LDB2: variants seen among roughly 807,000 people sequenced by gnomAD.
LDB2 encodes LIM domain binding 2.
A neutral mutation model predicts 44.3 loss-of-function variants in LDB2; 12 were observed. That is an observed-to-expected ratio of 0.27 (90% CI 0.17 to 0.44). The LOEUF is 0.44. Among genes scored for constraint, LDB2 ranks in the 20% least tolerant of loss-of-function variants. The pLI, the probability that LDB2 is intolerant of heterozygous loss-of-function variation, is 1.00. For synonymous variants in LDB2, 164 were observed against 174.8 expected, an observed-to-expected ratio of 0.94 and a Z score of 0.49; for missense variants, 344 against 473.5, an observed-to-expected ratio of 0.73 and a Z score of 2.54.
At chr4:16,574,434 C>T (rs547639581) in intron 5 of LDB2, among the ~76,000 whole-genome samples, 1 of 152,292 alleles carries the variant, frequency 6.6e-6, no homozygotes, top group African/African-American at 2.4e-5. Context: ...TCAGTCACTC[C>T]TTCTCTTCTT....
chr4:16,652,351 C>T (rs1332909147), intron 2 of LDB2, among the ~76,000 whole-genome samples: 1 of 152,104 alleles, frequency 6.6e-6, no homozygotes, highest in Admixed American at 6.5e-5. Context: ...AAATACAATC[C>T]ACTCTTCAGA....
At chr4:16,556,291 C>T (rs1252377245) in intron 5 of LDB2, among the ~76,000 whole-genome samples, 1 of 152,192 alleles carries the variant, frequency 6.6e-6, no homozygotes, top group Non-Finnish European at 1.5e-5. Flanking sequence ...AGTCTGGCAT[C>T]CAGTAGGCAT....
At position 16,582,486 on chromosome 4, in the gene LDB2, C is replaced by G. The variant is rs574990115; in HGVS notation, c.615+3436G>C. On this transcript the variant is annotated intron_variant, in intron 5 of 7. Transcript: ENST00000304523. This position sits in a 1 kb window ranked among gnomAD's most constrained non-coding sequence, Gnocchi z 4.8. Reference sequence around the variant, plus strand: ...GAGTTCCTGGCTTGCTTCTCCCATTCTAGTGCTCAAGTTCCAGCACCAGAG... The same window carrying G: ...GAGTTCCTGGCTTGCTTCTCCCATTGTAGTGCTCAAGTTCCAGCACCAGAG... 6.6e-6 allele frequency among the ~76,000 whole-genome samples: 1 copy of G among 152,330 alleles called. No individual in the cohort carries two copies. The highest frequency in any genetic ancestry group is 6.5e-5 in the Admixed American group (1 of 15,310).
chr4:16,705,012 C>G (rs1188579986), intron 2 of LDB2, among the ~76,000 whole-genome samples: 1 of 152,152 alleles, frequency 6.6e-6, no homozygotes, highest in East Asian at 1.9e-4. Context: ...GAAATTTCAC[C>G]TGCCTTCACT....
chr4:16,747,687 C>T (rs1279278527), intron 2 of LDB2, among the ~76,000 whole-genome samples: 1 of 151,908 alleles, frequency 6.6e-6, no homozygotes, highest in Non-Finnish European at 1.5e-5. Flanking sequence ...TTTTTCAAAG[C>T]TTGAATTAAT....
intron 2 of LDB2, among the ~76,000 whole-genome samples, chr4:16,650,923 T>C (rs984546013): frequency 6.6e-6 from 1 of 152,246 alleles, no homozygotes; most frequent in Non-Finnish European, 1.5e-5. Flanking sequence ...AAAACCCTTC[T>C]AGAATCTTGA....
intron 7 of LDB2, 32 bp from the exon 8 acceptor site, chr4:16,502,905 A>G: frequency 6.2e-7 from 1 of 1,611,500 alleles, no homozygotes; most frequent in Non-Finnish European, 8.5e-7. Context: ...ATTACAGGGA[A>G]ACCTTGGGAG....
At chr4:16,729,272 A>T (rs1760211134) in intron 2 of LDB2, among the ~76,000 whole-genome samples, 1 of 152,192 alleles carries the variant, frequency 6.6e-6, no homozygotes, top group South Asian at 2.1e-4. Flanking sequence ...TTGTCATTTT[A>T]AAAAAGCCTT....
chr4:16,575,306 T>C (rs1450496453), intron 5 of LDB2, among the ~76,000 whole-genome samples: 4 of 152,198 alleles, frequency 2.6e-5, no homozygotes, highest in Admixed American at 6.5e-5. Context: ...AAATATCTTT[T>C]GGCTGAGATA....
intron 2 of LDB2, among the ~76,000 whole-genome samples, chr4:16,709,319 A>G (rs1196577792): frequency 6.6e-6 from 1 of 152,330 alleles, no homozygotes; most frequent in East Asian, 1.9e-4. Context: ...GTTCAAAACT[A>G]TTGTGAGTCT....
intron 2 of LDB2, among the ~76,000 whole-genome samples, chr4:16,637,529 C>T (rs960407100): frequency 9.9e-5 from 15 of 151,968 alleles, no homozygotes; most frequent in Admixed American, 2.6e-4. Flanking sequence ...TCAACCAGTG[C>T]TCCCCATCTG....
chr4:16,547,954 T>G (rs146606128), intron 5 of LDB2, among the ~76,000 whole-genome samples: 4,625 of 151,532 alleles, frequency 0.031, 99 homozygotes, highest in Non-Finnish European at 0.047. Context: ...TCTTTTTTTT[T>G]GTTTGTTTTT....
intron 2 of LDB2, among the ~76,000 whole-genome samples, chr4:16,626,064 CA>C (rs1730205456): frequency 6.6e-6 from 1 of 152,172 alleles, no homozygotes; most frequent in Non-Finnish European, 1.5e-5. Flanking sequence ...TTGATTGAAC[CA>C]TGGCTTTGTG....
At chr4:16,508,247 C>T (rs1463584977) in intron 7 of LDB2, among the ~76,000 whole-genome samples, 1 of 152,170 alleles carries the variant, frequency 6.6e-6, no homozygotes, top group East Asian at 1.9e-4. Context: ...TTTAATTAAA[C>T]CTTAAGTGAC....
At chr4:16,668,966 G>A (rs1284177464) in intron 2 of LDB2, among the ~76,000 whole-genome samples, 3 of 152,094 alleles carry the variant, frequency 2.0e-5, no homozygotes, top group Non-Finnish European at 4.4e-5. Flanking sequence ...GTTCCCACTC[G>A]TCTAACTTGG....
At chr4:16,608,206 C>CAAAAAAA (rs71649969) in intron 2 of LDB2, among the ~76,000 whole-genome samples, 7 of 68,482 alleles carry the variant, frequency 1.0e-4, no homozygotes, top group African/African-American at 3.0e-4. Context: ...CACACTTCTT[C>CAAAAAAA]AAAAAAAAAA....
intron 2 of LDB2, among the ~76,000 whole-genome samples, chr4:16,630,815 C>T (rs1467229537): frequency 6.6e-6 from 1 of 152,052 alleles, no homozygotes; most frequent in East Asian, 1.9e-4. Flanking sequence ...AGACTTTAAA[C>T]CAACAAAGAT....
At chr4:16,815,549 A>G (rs1780741178) in intron 1 of LDB2, among the ~76,000 whole-genome samples, 2 of 152,160 alleles carry the variant, frequency 1.3e-5, no homozygotes, top group African/African-American at 4.8e-5. Flanking sequence ...GATTTGTAAG[A>G]TCCTCTGACT....
chr4:16,802,077 G>A (rs79890963), intron 1 of LDB2, among the ~76,000 whole-genome samples: 1,955 of 152,200 alleles, frequency 0.013, 35 homozygotes, highest in East Asian at 0.077. Flanking sequence ...GTGAATTAGC[G>A]AAATAATGTG....
Sources: gnomAD v4.1 joint callset for allele counts (sites outside exome capture counted in the v4.1 genomes callset) on GRCh38, gnomAD v4.1.1 for gene constraint, Gnocchi (gnomAD v3.1) non-coding constraint, MANE v1.5 for transcripts, NCBI Gene and HGNC (gene_info 2026-07-23, HGNC 2026-07-21) for gene names.